Variants in HCN1 observed in about 807,000 individuals in gnomAD.
HCN1 encodes potassium/sodium hyperpolarization-activated cyclic nucleotide-gated channel 1.
Under a neutral mutation model 78.9 loss-of-function variants are expected in HCN1, and 13 were observed. That is an observed-to-expected ratio of 0.16 (90% CI 0.11 to 0.26). HCN1 has a LOEUF of 0.26. HCN1 is among the 10% of genes least tolerant of loss of function. The pLI is 1.00. For missense variants in HCN1, 810 were observed against 1,154.3 expected (o/e 0.70, Z 4.32); for synonymous variants, 552 against 455.5 (o/e 1.21, Z -2.70).
chr5:45,561,588 T>C (rs1015889455), intron 2 of HCN1, among the ~76,000 whole-genome samples: 2 of 136,316 alleles, frequency 1.5e-5, no homozygotes, highest in Non-Finnish European at 3.2e-5. Flanking sequence ...CCCTGGCTCC[T>C]GAGAAAAAAG....
chr5:45,265,063 A>G (rs1375108112), intron 7 of HCN1, among the ~76,000 whole-genome samples: 1 of 151,876 alleles, frequency 6.6e-6, no homozygotes, highest in African/African-American at 2.4e-5. Context: ...GGCAGTGCAC[A>G]CCTGCAGTCC....
chr5:45,488,509 T>G (rs1741814998), intron 2 of HCN1, among the ~76,000 whole-genome samples: 3 of 152,130 alleles, frequency 2.0e-5, no homozygotes. Flanking sequence ...ACCAGTCAGT[T>G]GTGCTTTCAT....
intron 2 of HCN1, among the ~76,000 whole-genome samples, chr5:45,486,000 T>C (rs534283994): frequency 6.6e-6 from 1 of 152,328 alleles, no homozygotes; most frequent in South Asian, 2.1e-4. Flanking sequence ...ACTATCAGTA[T>C]ATTAATTCAC....
intron 2 of HCN1, among the ~76,000 whole-genome samples, chr5:45,617,995 G>A (rs368739426): frequency 7.2e-5 from 11 of 152,142 alleles, no homozygotes; most frequent in Admixed American, 1.3e-4. Context: ...ATAACAAAGC[G>A]TAAGCTCTGA....
chr5:45,606,071 T>C (rs1345550481), intron 2 of HCN1, among the ~76,000 whole-genome samples: 4 of 152,002 alleles, frequency 2.6e-5, no homozygotes, highest in Admixed American at 6.6e-5. Context: ...GGGTTGGAAA[T>C]GTTAAGTCAG....
chr5:45,483,479 G>A (rs1484509053), intron 2 of HCN1, among the ~76,000 whole-genome samples: 1 of 151,884 alleles, frequency 6.6e-6, no homozygotes, highest in African/African-American at 2.4e-5. Context: ...TTTGATTTTT[G>A]CTTGTTGATT....
rs1463509273 is a variant in HCN1 at position 45,258,810 on chromosome 5, A to G, written c.*3111T>C. ...GCCCAAGGCCCTATTATAACAAAAT[A>G]GGTATGTTATAAAACTATTATAACA... On this transcript the variant is annotated 3_prime_UTR_variant, in exon 8 of 8. Transcript: ENST00000303230. The G allele has an allele frequency of 2.6e-5, 4 of 152,028 alleles. No individual in the cohort carries two copies. 9.4% of individuals were successfully genotyped at this position (152,028 alleles called of 1,614,324 possible). A position where few individuals can be genotyped will look rare whatever the true frequency, so the allele number is the denominator to read the frequency against.
chr5:45,390,486 T>C (rs1739530587), intron 4 of HCN1, among the ~76,000 whole-genome samples: 2 of 150,862 alleles, frequency 1.3e-5, no homozygotes, highest in African/African-American at 5.0e-5. Context: ...GAAGCTAACA[T>C]ATGTGCTGTA....
At position 45,259,728 on chromosome 5, in the gene HCN1, C is replaced by A. The variant is rs114819805; in HGVS notation, c.*2193G>T. On this transcript the variant is annotated 3_prime_UTR_variant, in exon 8 of 8. Coordinates refer to ENST00000303230, the MANE Select transcript of HCN1 (RefSeq NM_021072.4). ...TCCCAATAGTGCTCAAAATAAAAAA[C>A]CAAAAATTTATATATATAAAAATAT... is the stretch of plus-strand genomic sequence containing the variant. 6.6e-5 allele frequency: 10 copies of A among 152,140 alleles called. No individual in the cohort carries two copies. The highest frequency in any genetic ancestry group is 2.1e-4 in the South Asian group (1 of 4,822). 9.4% of individuals were successfully genotyped at this position (152,140 alleles called of 1,614,324 possible). A position where few individuals can be genotyped will look rare whatever the true frequency, so the allele number is the denominator to read the frequency against.
chr5:45,555,238 T>C (rs1032073825), intron 2 of HCN1, among the ~76,000 whole-genome samples: 2 of 151,854 alleles, frequency 1.3e-5, no homozygotes, highest in Non-Finnish European at 2.9e-5. Context: ...AGCATTTCTA[T>C]ATGCCAACAG....
At chr5:45,376,698 G>A (rs1747686277) in intron 4 of HCN1, among the ~76,000 whole-genome samples, 1 of 151,794 alleles carries the variant, frequency 6.6e-6, no homozygotes, top group Non-Finnish European at 1.5e-5. Context: ...AGGACCCTGA[G>A]GTTCACTGGC....
intron 5 of HCN1, among the ~76,000 whole-genome samples, chr5:45,312,729 T>A (rs926049421): frequency 6.6e-6 from 1 of 152,216 alleles, no homozygotes; most frequent in Non-Finnish European, 1.5e-5. Flanking sequence ...ATCCCGCACC[T>A]GGCTCAGGGG....
chr5:45,424,662 T>G (rs1740304970), intron 3 of HCN1, among the ~76,000 whole-genome samples: 2 of 152,134 alleles, frequency 1.3e-5, no homozygotes, highest in Non-Finnish European at 2.9e-5. Context: ...AAAAATAACT[T>G]TAGCACTTTC....
chr5:45,386,860 A>G (rs551190286), intron 4 of HCN1, among the ~76,000 whole-genome samples: 82 of 152,196 alleles, frequency 5.4e-4, no homozygotes, highest in African/African-American at 1.9e-3. Flanking sequence ...ATACATGCCA[A>G]TCTAAATATT....
At chr5:45,581,901 C>T (rs1744085351) in intron 2 of HCN1, among the ~76,000 whole-genome samples, 1 of 152,166 alleles carries the variant, frequency 6.6e-6, no homozygotes, top group African/African-American at 2.4e-5. Flanking sequence ...GGTACCAGCA[C>T]CATGCTGTTT....
intron 2 of HCN1, among the ~76,000 whole-genome samples, chr5:45,586,129 C>T (rs1317031062): frequency 2.6e-5 from 4 of 152,148 alleles, no homozygotes; most frequent in African/African-American, 7.2e-5. Context: ...GAGGTGGAGT[C>T]TACAGAGGCA....
intron 4 of HCN1, among the ~76,000 whole-genome samples, chr5:45,393,735 C>T (rs1026547219): frequency 5.3e-5 from 8 of 152,202 alleles, no homozygotes; most frequent in South Asian, 2.1e-4. Flanking sequence ...CTGTGAAGGA[C>T]GCTTTTGGAT....
At chr5:45,316,236 C>A (rs181447880) in intron 5 of HCN1, among the ~76,000 whole-genome samples, 1 of 152,130 alleles carries the variant, frequency 6.6e-6, no homozygotes, top group Non-Finnish European at 1.5e-5. Flanking sequence ...GGCTTCATCC[C>A]TGGGATGCAA....
chr5:45,525,964 T>C (rs1742728645), intron 2 of HCN1, among the ~76,000 whole-genome samples: 1 of 151,948 alleles, frequency 6.6e-6, no homozygotes, highest in South Asian at 2.1e-4. Flanking sequence ...AGCTAACCCT[T>C]TCTAGCCCCT....
Sources: allele counts gnomAD v4.1 joint callset (sites outside exome capture counted in the v4.1 genomes callset), GRCh38; gene constraint gnomAD v4.1.1; transcripts MANE v1.5; gene names NCBI Gene and HGNC (gene_info 2026-07-23, HGNC 2026-07-21).